Variants in ZIK1 observed in about 807,000 individuals in gnomAD.
The protein encoded by ZIK1 is zinc finger protein interacting with K protein 1.
In ZIK1, 12 loss-of-function variants were observed where a neutral mutation model predicts 10.7. The ratio of observed to expected loss-of-function variants is 1.12; its 90% CI spans 0.72 to 1.81. ZIK1 has a LOEUF of 1.81. ZIK1 is among the 40% of genes most tolerant of loss of function. ZIK1 has a pLI of 0.00. For synonymous variants in ZIK1, 190 were observed against 205.0 expected (o/e 0.93, Z 0.63); for missense variants, 497 against 585.7 (o/e 0.85, Z 1.56).
At chr19:57,584,436 G>A (rs1327985804) in intron 1 of ZIK1, 47 bp downstream of exon 1, 2 of 1,592,920 alleles carry the variant, frequency 1.3e-6, no homozygotes, top group Non-Finnish European at 1.7e-6. Flanking sequence ...CCAAATTAGT[G>A]CCTTCTTGGG....
At chr19:57,587,512 C>T (rs972280019) in intron 2 of ZIK1, among the ~76,000 whole-genome samples, 1 of 152,140 alleles carries the variant, frequency 6.6e-6, no homozygotes, top group Non-Finnish European at 1.5e-5. Context: ...GAGCTACTAT[C>T]TAGTGCTCTT....
Position 57,584,952 on chromosome 19 carries a change from G to A in ZIK1, c.34G>A (p.Val12Ile). Residue 12 changes from valine (V) to isoleucine (I), a missense_variant and splice_region_variant, in exon 2 of 4, where the codon GTT (valine) becomes ATT (isoleucine). Physicochemically the swap from Val to Ile is conservative, Grantham distance 29. Coordinates refer to ENST00000597850, the MANE Select transcript of ZIK1 (RefSeq NM_001010879.4). ...TTTCATGATCTTTGGCTTTCCACAG[G>A]TTACTGTGTCTCCAGAAACACATAT... ...AAAALRAPTQ[V>I]TVSPETHMDL... 6.2e-7 allele frequency: 1 copy of A among 1,613,906 alleles called. No individual in the cohort carries two copies. The highest frequency in any genetic ancestry group is 1.1e-5 in the South Asian group (1 of 91,038).
chr19:57,584,545 G>GAAAC (rs1393693061), intron 1 of ZIK1, 156 bp downstream of exon 1: 1 of 1,419,488 alleles, frequency 7.0e-7, no homozygotes, highest in East Asian at 2.7e-5. Context: ...GAGGGTTACA[G>GAAAC]GCAAAGGGAC....
Position 57,590,404 on chromosome 19 carries a change from C to G in ZIK1, c.593C>G (p.Thr198Ser), listed in dbSNP as rs1979561239. 17 of 1,614,218 alleles carry G rather than the reference C, an allele frequency of 1.1e-5. No homozygotes were observed. Among genetic ancestry groups the G allele is most frequent in the Non-Finnish European group, 1.4e-5 (17 of 1,180,038 alleles). Reference protein sequence around the residue: ...FPGGKKPGTITECGEDIRSQK... With the variant: ...FPGGKKPGTISECGEDIRSQK... ...GGAGGCAAGAAACCCGGCACAATTA[C>G]TGAATGTGGGGAGGACATTCGCAGT... Residue 198 changes from threonine (T) to serine (S), a missense_variant, in exon 4 of 4, where the codon ACT (threonine) becomes AGT (serine). Coordinates refer to ENST00000597850, the MANE Select transcript of ZIK1 (RefSeq NM_001010879.4).
At position 57,590,527 on chromosome 19, in the gene ZIK1, A is replaced by C; in HGVS notation, c.716A>C (p.Tyr239Ser). ...AGAGTCTACACTGGAAAAAAGCTTT[A>C]TGAGTGTAGCAAATGTGGGAAAGCC... ...HPRVYTGKKL[Y>S]ECSKCGKAFR... Residue 239 changes from tyrosine to serine, a missense_variant, in exon 4 of 4, where the codon TAT becomes TCT. Tyr to Ser is a moderately radical substitution (Grantham distance 144). Transcript: ENST00000597850. The C allele has an allele frequency of 6.2e-7, 1 of 1,614,192 alleles. No individual in the cohort carries two copies. The highest frequency in any genetic ancestry group is 1.1e-5 in the South Asian group (1 of 91,078).
chr19:57,585,669 T>C (rs1979083791), intron 2 of ZIK1, among the ~76,000 whole-genome samples: 1 of 152,186 alleles, frequency 6.6e-6, no homozygotes. Context: ...GGAATCTCCA[T>C]CAAATAGCAT....
chr19:57,585,883 ATTTTTT>A (rs59607792), intron 2 of ZIK1, among the ~76,000 whole-genome samples: 14,340 of 130,044 alleles, frequency 0.11, 789 homozygotes, highest in East Asian at 0.16. Context: ...TGCCCAGCGA[ATTTTTT>A]TTTTTTTTTT....
chr19:57,589,333 TAAG>T, intron 3 of ZIK1: 1 of 985,400 alleles, frequency 1.0e-6, no homozygotes, highest in Non-Finnish European at 1.2e-6. Flanking sequence ...TCCGATCACA[TAAG>T]GAGCCTGTCC....
intron 2 of ZIK1, 82 bp downstream of exon 2, chr19:57,585,072 TTCTTTGA>T: frequency 1.4e-6 from 2 of 1,391,644 alleles, no homozygotes; most frequent in Non-Finnish European, 2.0e-6. Context: ...CACCATCCAG[TTCTTTGA>T]CCTAAGGACT....
chr19:57,584,335 C>A lies in ZIK1; in HGVS notation c.-22C>A, dbSNP rs1206067712. On this transcript the variant is annotated 5_prime_UTR_variant, in exon 1 of 4. Coordinates refer to ENST00000597850, the MANE Select transcript of ZIK1 (RefSeq NM_001010879.4). ...CCGCCCGTAGCTGTCGGGTCCCGGC[C>A]CCGCTCTGCCCACAGACTCCGATGG... 2 of 1,584,794 alleles carry A rather than the reference C, an allele frequency of 1.3e-6. No homozygotes were observed. The highest frequency in any genetic ancestry group is 1.8e-5 in the Admixed American group (1 of 56,754).
chr19:57,587,642 A>G (rs1163060863), intron 2 of ZIK1, among the ~76,000 whole-genome samples: 1 of 152,166 alleles, frequency 6.6e-6, no homozygotes, highest in Admixed American at 6.5e-5. Context: ...TGAGAAATAA[A>G]TTTCTGTTGT....
At position 57,593,294 on chromosome 19, in the gene ZIK1, C is replaced by T. The variant is rs1979864644; in HGVS notation, c.*2019C>T. The T allele has an allele frequency of 6.6e-6, 1 of 152,062 alleles. No homozygotes were observed. The highest frequency in any genetic ancestry group is 2.4e-5 in the African/African-American group (1 of 41,376). 9.4% of individuals were successfully genotyped at this position (152,062 alleles called of 1,614,324 possible). A position where few individuals can be genotyped will look rare whatever the true frequency, so the allele number is the denominator to read the frequency against. Reference sequence around the variant, plus strand: ...TGACCTCGTGATCCGCCCGCCTCAGCCTCCCGAAGTGCTGGGATTACAGGC... The same window carrying T: ...TGACCTCGTGATCCGCCCGCCTCAGTCTCCCGAAGTGCTGGGATTACAGGC... On this transcript the variant is annotated 3_prime_UTR_variant, in exon 4 of 4. Coordinates refer to ENST00000597850, the MANE Select transcript of ZIK1 (RefSeq NM_001010879.4).
In ZIK1 at chr19:57,584,180, A is replaced by C; in HGVS notation, c.-177A>C. 1 of 1,256,912 alleles carries C rather than the reference A, an allele frequency of 8.0e-7. No individual in the cohort carries two copies. Among genetic ancestry groups the C allele is most frequent in the Non-Finnish European group, 1.1e-6 (1 of 938,474 alleles). The allele number at this position is 1,256,912 out of a possible 1,614,324, so 77.9% of individuals were successfully genotyped here. A position where few individuals can be genotyped will look rare whatever the true frequency, so the allele number is the denominator to read the frequency against. On this transcript the variant is annotated 5_prime_UTR_variant, in exon 1 of 4. Coordinates refer to ENST00000597850, the MANE Select transcript of ZIK1 (RefSeq NM_001010879.4). ...ATTTTTGCAGCGCTTGGGTGCATCC[A>C]GACCGTCAGAGCTTTGGGAGCGCTT...
In ZIK1 at chr19:57,590,937, G is replaced by T; in HGVS notation, c.1126G>T (p.Ala376Ser). 6.2e-7 allele frequency: 1 copy of T among 1,613,902 alleles called. No homozygotes were observed. The highest frequency in any genetic ancestry group is 1.6e-4 in the Middle Eastern group (1 of 6,062). Residue 376 changes from alanine (A) to serine (S), a missense_variant, in exon 4 of 4, where the codon GCA (alanine) becomes TCA (serine). By Grantham distance (99) the Ala-to-Ser change is moderately conservative. Coordinates refer to ENST00000597850, the MANE Select transcript of ZIK1 (RefSeq NM_001010879.4). ...LNQHRRIHTG[A>S]KPYECGQCGK... ...TCAACACCGAAGAATTCACACTGGA[G>T]CAAAGCCTTATGAGTGTGGCCAGTG... is the stretch of plus-strand genomic sequence containing the variant.
In ZIK1 at chr19:57,592,234, C is replaced by T. The variant is rs1030140917; in HGVS notation, c.*959C>T. The T allele has an allele frequency of 3.9e-5, 6 of 152,084 alleles. No individual in the cohort carries two copies. The highest frequency in any genetic ancestry group is 3.3e-4 in the Admixed American group (5 of 15,282). The allele number at this position is 152,084 out of a possible 1,614,324, so 9.4% of individuals were successfully genotyped here. On this transcript the variant is annotated 3_prime_UTR_variant, in exon 4 of 4. Coordinates refer to ENST00000597850, the MANE Select transcript of ZIK1 (RefSeq NM_001010879.4). ...CCCTGATATCAAACATTCCATAGGCCGATGTCACGCAGAAGACAACGCGAG... is the reference window on the plus strand; with the variant it reads ...CCCTGATATCAAACATTCCATAGGCTGATGTCACGCAGAAGACAACGCGAG...
Position 57,590,485 on chromosome 19 carries a change from C to T in ZIK1, c.674C>T (p.Thr225Ile), listed in dbSNP as rs1018350744. Residue 225 changes from threonine to isoleucine, a missense_variant, in exon 4 of 4, where the codon ACT becomes ATT. By Grantham distance (89) the Thr-to-Ile change is moderately conservative (BLOSUM62 -1). Transcript: ENST00000597850. ...ECGKASRHKHTPVYHPRVYTG... is the reference protein window; with the variant it reads ...ECGKASRHKHIPVYHPRVYTG... ...GGGAAGGCTTCCAGGCACAAACACACTCCTGTTTACCATCCAAGAGTCTAC... is the reference window on the plus strand; with the variant it reads ...GGGAAGGCTTCCAGGCACAAACACATTCCTGTTTACCATCCAAGAGTCTAC... The T allele has an allele frequency of 5.6e-6, 9 of 1,613,450 alleles. No homozygotes were observed. In the Admixed American group the frequency reaches 1.0e-4, roughly 18 times the overall value.
intron 3 of ZIK1, among the ~76,000 whole-genome samples, chr19:57,589,022 A>G (rs574811434): frequency 2.6e-5 from 4 of 152,000 alleles, no homozygotes; most frequent in African/African-American, 7.2e-5. Context: ...GTCATTGTCT[A>G]TACTTATGGG....
At chr19:57,589,867 C>T (rs1568614591) in intron 3 of ZIK1, 144 bp from the exon 4 acceptor site, 6 of 1,151,776 alleles carry the variant, frequency 5.2e-6, no homozygotes, top group African/African-American at 1.6e-5. Flanking sequence ...TCCAGTATTG[C>T]AAAGCAACCC....
At chr19:57,588,498 G>A in intron 2 of ZIK1, 41 bp from the exon 3 acceptor site, 7 of 1,395,878 alleles carry the variant, frequency 5.0e-6, no homozygotes, top group Non-Finnish European at 5.7e-6. Context: ...ATGAACTTGT[G>A]GAGGCGTTGA....
Sources: allele counts gnomAD v4.1 joint callset (sites outside exome capture counted in the v4.1 genomes callset), GRCh38; gene constraint gnomAD v4.1.1; transcripts MANE v1.5; gene names NCBI Gene and HGNC (gene_info 2026-07-23, HGNC 2026-07-21).